Variants in SACS observed in about 807,000 individuals in gnomAD.
SACS encodes the protein sacsin.
SACS carries 197 observed loss-of-function variants against 348.0 expected under a neutral mutation model. The ratio of observed to expected loss-of-function variants is 0.57; its 90% confidence interval spans 0.50 to 0.64. The LOEUF is 0.64. Ranked by LOEUF, SACS falls within the 30% of genes least tolerant of loss-of-function variation. The pLI, the probability that SACS is intolerant of heterozygous loss-of-function variation, is 0.00. For missense variants in SACS, 4,999 were observed against 5,360.8 expected (o/e 0.93, Z 2.11); for synonymous variants, 1,985 against 1,910.6 (o/e 1.04, Z -1.02).
intron 1 of SACS, among the ~76,000 whole-genome samples, chr13:23,414,731 A>T (rs1040110947): frequency 2.6e-5 from 4 of 152,146 alleles, no homozygotes; most frequent in African/African-American, 9.7e-5. Flanking sequence ...TTCCTCAGTA[A>T]CTCTCTTAGC....
At position 23,411,258 on chromosome 13, in the gene SACS, ATTTG is replaced by A. The variant is rs1241264450; in HGVS notation, c.-23_-20del. 2 of 1,603,408 alleles carry A rather than the reference ATTTG, an allele frequency of 1.2e-6. No individual in the cohort carries two copies. The highest frequency in any genetic ancestry group is 1.1e-5 in the South Asian group (1 of 90,772). On this transcript the variant is annotated 5_prime_UTR_variant, in exon 2 of 10. Coordinates refer to ENST00000382292, the MANE Select transcript of SACS (RefSeq NM_014363.6). The stretch of plus-strand genomic sequence containing the variant: ...TCTCCATGATCACTTCTCCTGGGAT[ATTTG>A]TTTGTGAAAACCATGAAAGTACGCT...
At chr13:23,424,245 G>C (rs1874067996) in intron 1 of SACS, among the ~76,000 whole-genome samples, 1 of 152,166 alleles carries the variant, frequency 6.6e-6, no homozygotes, top group South Asian at 2.1e-4. Context: ...GAGATTTCAG[G>C]CCGGGCATGG....
intron 2 of SACS, among the ~76,000 whole-genome samples, chr13:23,387,143 T>A (rs1872320687): frequency 6.6e-6 from 1 of 151,880 alleles, no homozygotes; most frequent in Non-Finnish European, 1.5e-5. Flanking sequence ...GATGCAGGAC[T>A]GCTGCAAACC....
rs1303733755 is a variant in SACS, at chr13:23,337,398, A to C, written c.6478T>G (p.Trp2160Gly). Residue 2160 changes from tryptophan to glycine, a missense_variant, in exon 10 of 10, where the codon TGG (tryptophan) becomes GGG (glycine). By Grantham distance (184) the Trp-to-Gly change is radical. This residue lies in a region of SACS where 3,156 missense variants were observed against 3,380.1 expected (regional missense o/e 0.93). Coordinates refer to ENST00000382292, the MANE Select transcript of SACS (RefSeq NM_014363.6). ...QLGMAKDDILWDDMLERAVSV... is the reference protein window; with the variant it reads ...QLGMAKDDILGDDMLERAVSV... ...ACTGCACGTTCTAGCATATCATCCC[A>C]TAAAATATCATCTTTTGCCATACCT... 4 of 1,613,070 alleles carry C rather than the reference A, an allele frequency of 2.5e-6. No individual in the cohort carries two copies. The highest frequency in any genetic ancestry group is 3.4e-6 in the Non-Finnish European group (4 of 1,179,678).
At position 23,336,266 on chromosome 13, in the gene SACS, T is replaced by C. The variant is rs1293352166; in HGVS notation, c.7610A>G (p.Asn2537Ser). 1 of 1,614,108 alleles carries C rather than the reference T, an allele frequency of 6.2e-7. No homozygotes were observed. The highest frequency in any genetic ancestry group is 1.1e-5 in the South Asian group (1 of 91,078). The change falls in exon 10 of 10, where the codon AAT (asparagine) becomes AGT (serine). Residue 2537 changes from asparagine to serine, a missense_variant. Asn to Ser is a conservative substitution (Grantham distance 46, BLOSUM62 1). Transcript: ENST00000382292. ...CATTTCCTTTTCAGAAGGATATGCA[T>C]TAAGGATGCTCTTAATTCTGCTGGT... Reference protein sequence around the residue: ...KLTSRIKSILNAYPSEKEMLK... With the variant: ...KLTSRIKSILSAYPSEKEMLK...
At chr13:23,375,629 A>G (rs1311182299) in intron 2 of SACS, 1 of 941,118 alleles carries the variant, frequency 1.1e-6, no homozygotes, top group African/African-American at 1.8e-5. Context: ...CGGGACCGTT[A>G]GCTGGGGATC....
rs1868722620 is a variant in SACS at position 23,337,331 on chromosome 13, C to T, written c.6545G>A (p.Cys2182Tyr). The change falls in exon 10 of 10, where the codon TGC (cysteine) becomes TAC (tyrosine). Residue 2182 changes from cysteine (C) to tyrosine (Y), a missense_variant. Cys to Tyr is a radical substitution (Grantham distance 194). This residue lies in a region of SACS where 3,156 missense variants were observed against 3,380.1 expected (regional missense o/e 0.93). Coordinates refer to ENST00000382292, the MANE Select transcript of SACS (RefSeq NM_014363.6). ...EINKSDHVAA[C>Y]LRSSILLSLI... ...ACTCAATAAGATACTACTTCTTAGG[C>T]ATGCAGCAACATGATCACTTTTATT... 1 of 1,613,902 alleles carries T rather than the reference C, an allele frequency of 6.2e-7. No homozygotes were observed. Among genetic ancestry groups the T allele is most frequent in the Non-Finnish European group, 8.5e-7 (1 of 1,179,886 alleles).
intron 9 of SACS, among the ~76,000 whole-genome samples, chr13:23,349,625 T>C (rs1219877472): frequency 2.0e-5 from 3 of 152,200 alleles, no homozygotes; most frequent in Non-Finnish European, 4.4e-5. Flanking sequence ...ACAACTCAAC[T>C]GGCAAGGTGT....
chr13:23,401,475 GTCT>G (rs1333146894), intron 2 of SACS, among the ~76,000 whole-genome samples: 1 of 152,162 alleles, frequency 6.6e-6, no homozygotes, highest in Non-Finnish European at 1.5e-5. Context: ...GATGTCTCAT[GTCT>G]CCCTTAATGT....
rs145718930 is a variant in SACS, at chr13:23,360,862, C to T, written c.458-2381G>A. Among the ~76,000 whole-genome samples, 943 of 150,750 alleles carry T rather than the reference C, an allele frequency of 6.3e-3. 8 individuals carry two copies. Among genetic ancestry groups the T allele is most frequent in the African/African-American group, 0.022 (892 of 41,036 alleles). On this transcript the variant is annotated intron_variant, in intron 6 of 9. Coordinates refer to ENST00000382292, the MANE Select transcript of SACS (RefSeq NM_014363.6). ...CTCCGCCTCCCGGGTTCAAGCAATT[C>T]TTCTGTCTCAGCCTCCCAAGTAGCT...
chr13:23,332,697 G>T lies in SACS; in HGVS notation c.11179C>A (p.Gln3727Lys). 1 of 1,613,982 alleles carries T rather than the reference G, an allele frequency of 6.2e-7. No homozygotes were observed. The highest frequency in any genetic ancestry group is 8.5e-7 in the Non-Finnish European group (1 of 1,179,948). ...KEQEGSDLGP[Q>K]EQLEQVLNML... The stretch of plus-strand genomic sequence containing the variant: ...TTTAAAACTTGTTCAAGCTGTTCTT[G>T]TGGACCAAGGTCACTACCTTCTTGT... Residue 3727 changes from glutamine to lysine, a missense_variant, in exon 10 of 10, where the codon CAA becomes AAA. Coordinates refer to ENST00000382292, the MANE Select transcript of SACS (RefSeq NM_014363.6).
In SACS at chr13:23,375,202, T is replaced by TC. The variant is rs1871675369; in HGVS notation, c.87dup (p.Thr30AspfsTer31). 1 of 1,501,250 alleles carries TC rather than the reference T, an allele frequency of 6.7e-7. No homozygotes were observed. The highest frequency in any genetic ancestry group is 8.9e-7 in the Non-Finnish European group (1 of 1,124,822). 93.0% of individuals were successfully genotyped at this position (1,501,250 alleles called of 1,614,324 possible). A position where few individuals can be genotyped will look rare whatever the true frequency, so the allele number is the denominator to read the frequency against. ...ATACGTTCCTTCACATCGCGCACGG[T>TC]CCAGGACGCCAGCGCCGCGACGGTC... On this transcript the variant is annotated frameshift_variant, in exon 3 of 10. Coordinates refer to ENST00000382292, the MANE Select transcript of SACS (RefSeq NM_014363.6). LOFTEE classifies it high-confidence loss of function.
intron 2 of SACS, among the ~76,000 whole-genome samples, chr13:23,403,662 C>A (rs1033123689): frequency 1.6e-4 from 24 of 152,028 alleles, no homozygotes; most frequent in African/African-American, 5.5e-4. Context: ...GTCTGGCTAG[C>A]GATCTATTTT....
At chr13:23,390,180 C>T (rs1872475265) in intron 2 of SACS, among the ~76,000 whole-genome samples, 1 of 152,138 alleles carries the variant, frequency 6.6e-6, no homozygotes, top group African/African-American at 2.4e-5. Flanking sequence ...TGCTTTATTT[C>T]TGCAGTATTT....
chr13:23,341,091 G>T lies in SACS; in HGVS notation c.2785C>A (p.Arg929Ser), dbSNP rs373613604. 3 of 1,613,824 alleles carry T rather than the reference G, an allele frequency of 1.9e-6. No homozygotes were observed. The highest frequency in any genetic ancestry group is 2.5e-6 in the Non-Finnish European group (3 of 1,179,976). The part of the protein sequence containing the change: ...RIIQELAIFK[R>S]INHSSDQGIS... Reference sequence around the variant, plus strand: ...CCCTGATCAGAAGAATGGTTAATGCGCTTGAATATTGCCAATTCTTGAATA... The same window carrying T: ...CCCTGATCAGAAGAATGGTTAATGCTCTTGAATATTGCCAATTCTTGAATA... The change falls in exon 10 of 10, where the codon CGC (arginine) becomes AGC (serine). Residue 929 changes from arginine (R) to serine (S), a missense_variant. Physicochemically the swap from Arg to Ser is moderately radical, Grantham distance 110. Coordinates refer to ENST00000382292, the MANE Select transcript of SACS (RefSeq NM_014363.6).
chr13:23,333,969 G>A lies in SACS; in HGVS notation c.9907C>T (p.Pro3303Ser). 5 of 1,613,880 alleles carry A rather than the reference G, an allele frequency of 3.1e-6. No individual in the cohort carries two copies. The highest frequency in any genetic ancestry group is 3.4e-6 in the Non-Finnish European group (4 of 1,179,848). The change falls in exon 10 of 10, where the codon CCT becomes TCT. Residue 3303 changes from proline (P) to serine (S), a missense_variant. Pro to Ser is a moderately conservative substitution (Grantham distance 74). Coordinates refer to ENST00000382292, the MANE Select transcript of SACS (RefSeq NM_014363.6). ...LVVPEGDVLL[P>S]LSLMHIAVFP... ...ACTGCAATGTGCATAAGGCTGAGAG[G>A]AAGCAGAACATCTCCTTCAGGAACC...
At chr13:23,380,990 G>A (rs898037153) in intron 2 of SACS, among the ~76,000 whole-genome samples, 2 of 152,168 alleles carry the variant, frequency 1.3e-5, no homozygotes, top group Non-Finnish European at 2.9e-5. Context: ...CACCAAATAG[G>A]TGTAGAACCC....
Position 23,332,228 on chromosome 13 carries a change from C to A in SACS, c.11648G>T (p.Gly3883Val). 1.2e-6 allele frequency: 2 copies of A among 1,613,964 alleles called. No individual in the cohort carries two copies. Among genetic ancestry groups the A allele is most frequent in the Non-Finnish European group, 1.7e-6 (2 of 1,179,942 alleles). ...EMRTVKRVVS[G>V]LFRSLQNDSV... Reference sequence around the variant, plus strand: ...ATCATTCTGTAGACTCCTGAACAGACCAGAAACTACTCTCTTAACTGTACG... The same window carrying A: ...ATCATTCTGTAGACTCCTGAACAGAACAGAAACTACTCTCTTAACTGTACG... Residue 3883 changes from glycine (G) to valine (V), a missense_variant, in exon 10 of 10, where the codon GGT (glycine) becomes GTT (valine). Physicochemically the swap from Gly to Val is moderately radical, Grantham distance 109. Coordinates refer to ENST00000382292, the MANE Select transcript of SACS (RefSeq NM_014363.6).
Position 23,336,292 on chromosome 13 carries a change from C to T in SACS, c.7584G>A (p.Leu2528=). 6.2e-7 allele frequency: 1 copy of T among 1,614,066 alleles called. No individual in the cohort carries two copies. Among genetic ancestry groups the T allele is most frequent in the Non-Finnish European group, 8.5e-7 (1 of 1,179,964 alleles). Residue 2528 remains leucine (L), a synonymous_variant, in exon 10 of 10, where the codon TTG becomes TTA. Transcript: ENST00000382292. ...LGTEFGQKEK[L]TSRIKSILNA... is the part of the protein sequence containing the mutation. ...TAAGGATGCTCTTAATTCTGCTGGT[C>T]AATTTTTCTTTCTGCCCAAATTCTG...
Sources: allele counts gnomAD v4.1 joint callset (sites outside exome capture counted in the v4.1 genomes callset), GRCh38; gene constraint gnomAD v4.1.1; regional missense constraint gnomAD v4.1.1; transcripts MANE v1.5; gene names NCBI Gene and HGNC (gene_info 2026-07-23, HGNC 2026-07-21).